Variants in RSF1 observed in about 807,000 individuals in gnomAD.
RSF1 encodes the protein remodeling and spacing factor 1, also known as HBV pX-associated protein 8.
In RSF1, 13 loss-of-function variants were observed where a neutral mutation model predicts 145.2. The ratio of observed to expected loss-of-function variants is 0.09; its 90% CI spans 0.06 to 0.14. The LOEUF is 0.14. Among genes scored for constraint, RSF1 ranks in the 10% least tolerant of loss-of-function variants. RSF1 has a pLI of 1.00. For synonymous variants in RSF1, 577 were observed against 592.6 expected, an observed-to-expected ratio of 0.97 and a Z score of 0.38; for missense variants, 1,517 against 1,718.2, an observed-to-expected ratio of 0.88 and a Z score of 2.07.
chr11:77,778,962 G>A (rs1948375843), intron 1 of RSF1, among the ~76,000 whole-genome samples: 1 of 151,718 alleles, frequency 6.6e-6, no homozygotes, highest in Non-Finnish European at 1.5e-5. Context: ...TTCATTTTTT[G>A]GAGACAGAGT....
chr11:77,780,824 C>CA (rs33925149), intron 1 of RSF1, among the ~76,000 whole-genome samples: 65,940 of 127,478 alleles, frequency 0.52, 17,631 homozygotes, highest in Non-Finnish European at 0.58. Flanking sequence ...GACTCCGTCT[C>CA]AAAAAAAAAA....
Position 77,808,520 on chromosome 11 carries a change from A to G in RSF1, c.187+12008T>C, listed in dbSNP as rs1948700123. On this transcript the variant is annotated intron_variant, in intron 1 of 15. Coordinates refer to ENST00000308488, the MANE Select transcript of RSF1 (RefSeq NM_016578.4). Reference sequence around the variant, plus strand: ...ATATATTTTAGTATCCCATTCAAATATTATACCTTTTTTTTTTTTTTTTTT... The same window carrying G: ...ATATATTTTAGTATCCCATTCAAATGTTATACCTTTTTTTTTTTTTTTTTT... 2.4e-5 allele frequency among the ~76,000 whole-genome samples: 3 copies of G among 123,932 alleles called. 1 individual carries two copies. The South Asian group carries it at 7.6e-4, about 32-fold the overall frequency. The allele number at this position is 123,932 out of a possible 152,430, so 81.3% of individuals were successfully genotyped here. A position where few individuals can be genotyped will look rare whatever the true frequency, so the allele number is the denominator to read the frequency against.
the RSF1 span, among the ~76,000 whole-genome samples, chr11:77,837,102 GTGT>G: frequency 6.6e-6 from 1 of 152,152 alleles, no homozygotes; most frequent in East Asian, 1.9e-4. Context: ...TTGAACTTCT[GTGT>G]TGTTTTTTGT....
At chr11:77,835,857 G>A in the RSF1 span, among the ~76,000 whole-genome samples, 9 of 152,084 alleles carry the variant, frequency 5.9e-5, no homozygotes, top group Middle Eastern at 3.4e-3. Flanking sequence ...GCAGTGAGCC[G>A]AGATCATGCC....
chr11:77,688,936 T>C (rs1186459227), intron 9 of RSF1, among the ~76,000 whole-genome samples: 1 of 152,200 alleles, frequency 6.6e-6, no homozygotes, highest in African/African-American at 2.4e-5. Context: ...TGAATCCATT[T>C]TTAAGGTTCA....
chr11:77,858,603 T>C, the RSF1 span, among the ~76,000 whole-genome samples: 1 of 152,094 alleles, frequency 6.6e-6, no homozygotes, highest in Non-Finnish European at 1.5e-5. Context: ...GCCTAGGAAA[T>C]CCAGCTAGTC....
At chr11:77,869,668 T>C in the RSF1 span, 3 of 1,504,924 alleles carry the variant, frequency 2.0e-6, no homozygotes, top group East Asian at 2.3e-5. Context: ...AGAATGCCTA[T>C]TGCAATGAAA....
At chr11:77,756,592 T>C (rs944337867) in intron 2 of RSF1, among the ~76,000 whole-genome samples, 1 of 151,868 alleles carries the variant, frequency 6.6e-6, no homozygotes, top group Non-Finnish European at 1.5e-5. Flanking sequence ...ATCATGGAGG[T>C]AGTAAAATGG....
upstream of RSF1, chr11:77,821,058 G>C (rs951803420): frequency 1.0e-5 from 5 of 492,550 alleles, no homozygotes; most frequent in African/African-American, 8.0e-5. Flanking sequence ...CGGGAGGGGC[G>C]GGACTTCTCG....
At chr11:77,749,897 C>T (rs964050855) in intron 2 of RSF1, among the ~76,000 whole-genome samples, 1 of 152,016 alleles carries the variant, frequency 6.6e-6, no homozygotes, top group South Asian at 2.1e-4. Flanking sequence ...TACAGGCGCC[C>T]ACCACCATGC....
chr11:77,853,913 C>G, the RSF1 span, among the ~76,000 whole-genome samples: 1 of 151,960 alleles, frequency 6.6e-6, no homozygotes, highest in South Asian at 2.1e-4. Context: ...TGTACTCCAG[C>G]CTGAGTGACA....
chr11:77,824,028 G>A, upstream of RSF1, among the ~76,000 whole-genome samples: 1 of 152,114 alleles, frequency 6.6e-6, no homozygotes, highest in Non-Finnish European at 1.5e-5. Flanking sequence ...AATCTAGATC[G>A]GCAGGGAAAC....
At chr11:77,683,163 C>T (rs1307713478) in intron 11 of RSF1, among the ~76,000 whole-genome samples, 4 of 151,976 alleles carry the variant, frequency 2.6e-5, no homozygotes, top group Non-Finnish European at 5.9e-5. Context: ...TGGTGGCGGG[C>T]GCCTGTAGTC....
chr11:77,741,021 C>CT (rs1947930351), intron 3 of RSF1, 85 bp from the exon 4 acceptor site: 3 of 998,556 alleles, frequency 3.0e-6, no homozygotes, highest in Non-Finnish European at 4.6e-6. Flanking sequence ...AGAATTGATT[C>CT]AGGGAAAGCA....
intron 6 of RSF1, among the ~76,000 whole-genome samples, chr11:77,699,515 CT>C (rs1176340114): frequency 6.6e-6 from 1 of 152,108 alleles, no homozygotes; most frequent in Non-Finnish European, 1.5e-5. Flanking sequence ...AAAAGTAGCA[CT>C]TTTGATTATG....
intron 1 of RSF1, among the ~76,000 whole-genome samples, chr11:77,771,422 A>G (rs922777053): frequency 2.0e-5 from 3 of 152,232 alleles, no homozygotes; most frequent in Non-Finnish European, 4.4e-5. Context: ...TGCATGTATG[A>G]AAGTCCTGAG....
At chr11:77,791,341 G>T (rs183378320) in intron 1 of RSF1, among the ~76,000 whole-genome samples, 97 of 152,262 alleles carry the variant, frequency 6.4e-4, no homozygotes, top group South Asian at 5.8e-3. Flanking sequence ...CAAGCCCCTA[G>T]ACTGCACACA....
At chr11:77,683,585 A>G (rs1032047220) in intron 11 of RSF1, 125 bp downstream of exon 11, 3 of 553,060 alleles carry the variant, frequency 5.4e-6, no homozygotes, top group African/African-American at 1.9e-5. Flanking sequence ...CTAAAGATGG[A>G]AGGCAAGAAA....
At chr11:77,824,805 T>G (rs1037132184), upstream of RSF1, among the ~76,000 whole-genome samples, 21 of 152,216 alleles carry the variant, frequency 1.4e-4, no homozygotes, top group African/African-American at 4.8e-4. Context: ...CATTGAACTC[T>G]ATAAACACTG....
Sources: allele counts gnomAD v4.1 joint callset (sites outside exome capture counted in the v4.1 genomes callset), GRCh38; gene constraint gnomAD v4.1.1; transcripts MANE v1.5; gene names NCBI Gene and HGNC (gene_info 2026-07-23, HGNC 2026-07-21).